The following ZNF221 variants were observed in gnomAD, a reference collection of about 807,000 sequenced individuals.
The protein encoded by ZNF221 is zinc finger protein 221.
ZNF221 carries 10 observed loss-of-function variants against 12.6 expected under a neutral mutation model. The ratio of observed to expected loss-of-function variants is 0.79; its 90% CI spans 0.49 to 1.34. ZNF221 has a LOEUF of 1.34. Ranked by LOEUF, ZNF221 falls within the 40% of genes most tolerant of loss-of-function variation. ZNF221 has a pLI of 0.00. For synonymous variants in ZNF221, 232 were observed against 244.0 expected, an observed-to-expected ratio of 0.95 and a Z score of 0.46; for missense variants, 661 against 721.4, an observed-to-expected ratio of 0.92 and a Z score of 0.96.
At chr19:43,981,274 T>C in the ZNF221 span, among the ~76,000 whole-genome samples, 1 of 152,240 alleles carries the variant, frequency 6.6e-6, no homozygotes, top group Non-Finnish European at 1.5e-5. Flanking sequence ...ACTTTAAAAA[T>C]GTTGTAATAA....
chr19:43,965,842 G>A lies in ZNF221; in HGVS notation c.340G>A (p.Ala114Thr). 1 of 1,609,894 alleles carries A rather than the reference G, an allele frequency of 6.2e-7. No individual in the cohort carries two copies. Among genetic ancestry groups the A allele is most frequent in the South Asian group, 1.1e-5 (1 of 90,696 alleles). The change falls in exon 5 of 5, where the codon GCA becomes ACA. Residue 114 changes from alanine to threonine, a missense_variant. By Grantham distance (58) the Ala-to-Thr change is moderately conservative. Transcript: ENST00000587682. ...IQIEMETVPEAGPHEEWSCQQ... is the reference protein window; with the variant it reads ...IQIEMETVPETGPHEEWSCQQ... Reference sequence around the variant, plus strand: ...AATTGAGATGGAGACTGTTCCAGAAGCAGGACCACATGAAGAGTGGTCCTG... The same window carrying A: ...AATTGAGATGGAGACTGTTCCAGAAACAGGACCACATGAAGAGTGGTCCTG...
At chr19:43,957,466 A>G (rs745559569) in intron 1 of ZNF221, among the ~76,000 whole-genome samples, 1 of 152,072 alleles carries the variant, frequency 6.6e-6, no homozygotes, top group Non-Finnish European at 1.5e-5. Context: ...AGCCACCATA[A>G]CCCGCCTGGA....
chr19:43,962,692 G>A (rs897165415), intron 1 of ZNF221, 33 bp from the exon 2 acceptor site: 2 of 1,598,548 alleles, frequency 1.3e-6, no homozygotes, highest in Non-Finnish European at 1.7e-6. Flanking sequence ...ACCATTTCCT[G>A]TCTGTTTTTC....
chr19:43,958,781 C>A (rs185623230), intron 1 of ZNF221, among the ~76,000 whole-genome samples: 1 of 152,088 alleles, frequency 6.6e-6, no homozygotes, highest in East Asian at 1.9e-4. Flanking sequence ...TTGGGAAGAA[C>A]GTATTTAACA....
At chr19:43,960,704 C>T (rs994398613) in intron 1 of ZNF221, among the ~76,000 whole-genome samples, 6 of 152,294 alleles carry the variant, frequency 3.9e-5, no homozygotes, top group South Asian at 2.1e-4. Context: ...GTGCCCCAGG[C>T]GCAGGCTGGG....
chr19:43,962,011 T>TA (rs1458593132), intron 1 of ZNF221: 19 of 152,248 alleles, frequency 1.2e-4, no homozygotes, highest in Admixed American at 5.2e-4. Flanking sequence ...AAACGTTTCT[T>TA]ACGGGAGATA....
intron 1 of ZNF221, among the ~76,000 whole-genome samples, chr19:43,955,760 G>A (rs1974745483): frequency 1.3e-5 from 2 of 152,150 alleles, no homozygotes; most frequent in Non-Finnish European, 2.9e-5. Context: ...TGATCAGGGT[G>A]GCATCCTTCC....
intron 2 of ZNF221, among the ~76,000 whole-genome samples, chr19:43,964,064 T>A (rs988093188): frequency 6.6e-6 from 1 of 152,046 alleles, no homozygotes; most frequent in African/African-American, 2.4e-5. Flanking sequence ...GGATTGATAA[T>A]AAAAAATATT....
chr19:43,968,279 G>A (rs1425239770), downstream of ZNF221, among the ~76,000 whole-genome samples: 2 of 152,216 alleles, frequency 1.3e-5, no homozygotes, highest in African/African-American at 4.8e-5. Context: ...CAGAAGTTTG[G>A]CAATTATAGT....
chr19:43,979,597 C>A, the ZNF221 span, among the ~76,000 whole-genome samples: 1 of 152,120 alleles, frequency 6.6e-6, no homozygotes, highest in African/African-American at 2.4e-5. Flanking sequence ...CTTTTAGTAG[C>A]ATCTTCCTCT....
In ZNF221 at chr19:43,967,448, A is replaced by G; in HGVS notation, c.*92A>G. The G allele has an allele frequency of 1.0e-6, 1 of 977,920 alleles. No homozygotes were observed. The highest frequency in any genetic ancestry group is 1.6e-5 in the African/African-American group (1 of 61,090). The allele number at this position is 977,920 out of a possible 1,614,324, so 60.6% of individuals were successfully genotyped here. ...AGAGAAAAACCATTCAAATATGAGA[A>G]CTGTGGGAAGAGCTTTGTACATAGA... On this transcript the variant is annotated 3_prime_UTR_variant, in exon 5 of 5. Transcript: ENST00000587682.
At chr19:43,969,183 C>G (rs1300057297), downstream of ZNF221, among the ~76,000 whole-genome samples, 1 of 152,144 alleles carries the variant, frequency 6.6e-6, no homozygotes, top group African/African-American at 2.4e-5. Context: ...GAGGGAGCTC[C>G]TGTGGGGGAA....
the ZNF221 span, among the ~76,000 whole-genome samples, chr19:43,981,395 TTA>T: frequency 6.6e-6 from 1 of 152,208 alleles, no homozygotes; most frequent in African/African-American, 2.4e-5. Flanking sequence ...AAAATTTCTA[TTA>T]ATATCTTCAC....
chr19:43,952,332 C>A (rs1974686291), intron 1 of ZNF221, among the ~76,000 whole-genome samples: 2 of 152,104 alleles, frequency 1.3e-5, no homozygotes, highest in South Asian at 4.1e-4. Flanking sequence ...TGGAGGTAGA[C>A]GGAGTGACTC....
chr19:43,967,841 G>C (rs1761187584), downstream of ZNF221: 2 of 186,318 alleles, frequency 1.1e-5, no homozygotes, highest in Admixed American at 4.8e-5. Flanking sequence ...CAAATGTGAG[G>C]AGCATGGGAT....
At chr19:43,955,834 T>C (rs1389538607) in intron 1 of ZNF221, among the ~76,000 whole-genome samples, 5 of 152,208 alleles carry the variant, frequency 3.3e-5, no homozygotes, top group Admixed American at 6.5e-5. Flanking sequence ...TGCTGGTCAG[T>C]TGAGAGTTGT....
intron 1 of ZNF221, among the ~76,000 whole-genome samples, chr19:43,957,136 G>A (rs1362877754): frequency 5.3e-5 from 8 of 151,990 alleles, no homozygotes; most frequent in Admixed American, 5.2e-4. Flanking sequence ...TTCCAGTTAG[G>A]TTACAGTTCG....
downstream of ZNF221, among the ~76,000 whole-genome samples, chr19:43,972,184 G>A (rs75643832): frequency 0.04 from 6,089 of 152,178 alleles, 176 homozygotes; most frequent in African/African-American, 0.088. Flanking sequence ...TGACTCCTGG[G>A]TAAATACTGA....
Position 43,962,899 on chromosome 19 carries a change from C to T in ZNF221, c.81+92C>T, listed in dbSNP as rs1974871413. ...CTGTCTTGGGAAGACTCAAGGAGAA[C>T]AACAAGCATTTGAGGGCATTTTGTT... On this transcript the variant is annotated intron_variant, in intron 2 of 4. Coordinates refer to ENST00000587682, the MANE Select transcript of ZNF221 (RefSeq NM_001297588.2). 6.5e-6 allele frequency: 8 copies of T among 1,235,318 alleles called. No homozygotes were observed. In the East Asian group the frequency reaches 2.1e-4, roughly 32 times the overall value. The allele number at this position is 1,235,318 out of a possible 1,614,324, so 76.5% of individuals were successfully genotyped here. A position where few individuals can be genotyped will look rare whatever the true frequency, so the allele number is the denominator to read the frequency against.
Sources: allele counts gnomAD v4.1 joint callset (sites outside exome capture counted in the v4.1 genomes callset), GRCh38; gene constraint gnomAD v4.1.1; transcripts MANE v1.5; gene names NCBI Gene and HGNC (gene_info 2026-07-23, HGNC 2026-07-21).